Variants in INPP5D observed in about 807,000 individuals in gnomAD.
INPP5D encodes the protein inositol polyphosphate-5-phosphatase D.
Under a neutral mutation model 122.9 loss-of-function variants are expected in INPP5D, and 33 were observed. The ratio of observed to expected loss-of-function variants is 0.27; its 90% CI spans 0.20 to 0.36. INPP5D has a LOEUF of 0.36. Among genes scored for constraint, INPP5D ranks in the 10% least tolerant of loss-of-function variants. The pLI is 1.00. For missense variants in INPP5D, 1,053 were observed against 1,412.7 expected (o/e 0.75, Z 4.08); for synonymous variants, 584 against 576.2 (o/e 1.01, Z -0.19).
intron 19 of INPP5D, 76 bp downstream of exon 19, chr2:233,182,575 G>C: frequency 6.3e-7 from 1 of 1,591,678 alleles, no homozygotes; most frequent in Non-Finnish European, 8.6e-7. Flanking sequence ...TCAGGTGGCA[G>C]TCAGTGGTCT....
chr2:233,061,281 G>A (rs1691066324), intron 1 of INPP5D, among the ~76,000 whole-genome samples: 1 of 146,738 alleles, frequency 6.8e-6, no homozygotes, highest in African/African-American at 2.5e-5. Flanking sequence ...GCCCGGTTGG[G>A]GATGTTACTG....
In INPP5D at chr2:233,105,672, G is replaced by C. The variant is rs568423362; in HGVS notation, c.199-16435G>C. On this transcript the variant is annotated intron_variant, in intron 2 of 26. Transcript: ENST00000445964. This position sits in a 1 kb window ranked among gnomAD's most constrained non-coding sequence, Gnocchi z 4.0. ...GTGACCGCAAGCGGGCCGCCTGCTG[G>C]CTGCTGCACCACCAGCTCTGCTTTC... 2.0e-5 allele frequency among the ~76,000 whole-genome samples: 3 copies of C among 152,330 alleles called. No homozygotes were observed. Among genetic ancestry groups the C allele is most frequent in the East Asian group, 3.9e-4 (2 of 5,168 alleles).
At chr2:233,146,908 C>G (rs147731559) in intron 8 of INPP5D, among the ~76,000 whole-genome samples, 15,858 of 152,104 alleles carry the variant, frequency 0.1, 1,220 homozygotes, top group East Asian at 0.31. Context: ...AGCACTGGTC[C>G]CAAATTCAGG....
At chr2:233,103,167 G>A (rs1015314263) in intron 2 of INPP5D, among the ~76,000 whole-genome samples, 3 of 152,164 alleles carry the variant, frequency 2.0e-5, no homozygotes, top group African/African-American at 7.2e-5. Context: ...AACACCCCAT[G>A]TATGCCTTGA....
At chr2:233,099,361 G>A (rs1044393393) in intron 2 of INPP5D, among the ~76,000 whole-genome samples, 19 of 152,298 alleles carry the variant, frequency 1.2e-4, no homozygotes, top group African/African-American at 4.1e-4. Context: ...TGGCATGTGT[G>A]CCATCCTCCT....
chr2:233,060,668 G>A, intron 1 of INPP5D, 56 bp downstream of exon 1: 2 of 1,601,184 alleles, frequency 1.2e-6, no homozygotes, highest in South Asian at 1.1e-5. Context: ...GCTTAGAGGG[G>A]GCCCAGCTTT....
At chr2:233,123,502 G>C (rs1266563537) in intron 3 of INPP5D, among the ~76,000 whole-genome samples, 4 of 151,768 alleles carry the variant, frequency 2.6e-5, no homozygotes, top group Non-Finnish European at 5.9e-5. Context: ...GTGAGACTAA[G>C]GGTGCCCTTT....
intron 3 of INPP5D, 129 bp from the exon 4 acceptor site, chr2:233,125,616 C>G (rs142409358): frequency 1.2e-6 from 1 of 806,030 alleles, no homozygotes; most frequent in South Asian, 1.8e-5. Context: ...AGGGAGTCAG[C>G]GAGGGACACG....
chr2:233,084,240 A>G (rs1691770347), intron 2 of INPP5D, among the ~76,000 whole-genome samples: 1 of 152,150 alleles, frequency 6.6e-6, no homozygotes. Flanking sequence ...TTTTCTGTAG[A>G]GATAGGGTTT....
In INPP5D at chr2:233,092,814, G is replaced by T. The variant is rs558578522; in HGVS notation, c.198+13416G>T. On this transcript the variant is annotated intron_variant, in intron 2 of 26. Coordinates refer to ENST00000445964, the MANE Select transcript of INPP5D (RefSeq NM_001017915.3). ...CTTCCATCTTGAGACAGGCCAAGGAGCCCCAGGCCCATCACTGTCAGTGGC... is the reference window on the plus strand; with the variant it reads ...CTTCCATCTTGAGACAGGCCAAGGATCCCCAGGCCCATCACTGTCAGTGGC... Among the ~76,000 whole-genome samples the T allele has an allele frequency of 3.6e-4, 55 of 152,288 alleles. 1 individual carries two copies. The South Asian group carries it at 5.6e-3, about 15-fold the overall frequency.
At chr2:233,163,995 A>G (rs1694260014) in intron 12 of INPP5D, 92 bp downstream of exon 12, 1 of 1,494,692 alleles carries the variant, frequency 6.7e-7, no homozygotes, top group Non-Finnish European at 8.9e-7. Context: ...TCAGCCTATC[A>G]GCTCTCAGTT....
intron 25 of INPP5D, among the ~76,000 whole-genome samples, chr2:233,200,548 A>C (rs1157975036): frequency 2.4e-4 from 36 of 152,158 alleles, no homozygotes; most frequent in Non-Finnish European, 1.5e-5. Flanking sequence ...GTTCTCCATC[A>C]CACTGTCCTC....
chr2:233,103,064 A>G (rs1027774925), intron 2 of INPP5D, among the ~76,000 whole-genome samples: 13 of 152,214 alleles, frequency 8.5e-5, no homozygotes, highest in African/African-American at 2.7e-4. Flanking sequence ...GACTGAAGTC[A>G]TATCATAGCT....
At chr2:233,124,051 C>T (rs1234625311) in intron 3 of INPP5D, among the ~76,000 whole-genome samples, 1 of 151,958 alleles carries the variant, frequency 6.6e-6, no homozygotes, top group Non-Finnish European at 1.5e-5. Context: ...TACAACAAAC[C>T]CCATGACATA....
At chr2:233,091,036 T>C (rs1691978407) in intron 2 of INPP5D, among the ~76,000 whole-genome samples, 1 of 150,852 alleles carries the variant, frequency 6.6e-6, no homozygotes, top group Admixed American at 6.6e-5. Flanking sequence ...AACCAGACAA[T>C]AGAACTGCTT....
At chr2:233,122,940 G>T (rs907220037) in intron 3 of INPP5D, among the ~76,000 whole-genome samples, 2 of 152,218 alleles carry the variant, frequency 1.3e-5, no homozygotes, top group African/African-American at 4.8e-5. Flanking sequence ...AGGATCAAAT[G>T]AGTTGAGAAA....
intron 2 of INPP5D, among the ~76,000 whole-genome samples, chr2:233,083,460 T>G (rs1367110120): frequency 6.6e-6 from 1 of 152,118 alleles, no homozygotes; most frequent in African/African-American, 2.4e-5. Context: ...CTGCTTTTCC[T>G]GGTTGGGGGA....
At chr2:233,182,043 C>T (rs1694798782) in intron 18 of INPP5D, among the ~76,000 whole-genome samples, 1 of 152,140 alleles carries the variant, frequency 6.6e-6, no homozygotes, top group Non-Finnish European at 1.5e-5. Flanking sequence ...CTGCAGTGAG[C>T]CGAGATCGCG....
intron 5 of INPP5D, among the ~76,000 whole-genome samples, chr2:233,138,498 T>C (rs2106271886): frequency 6.6e-6 from 1 of 152,124 alleles, no homozygotes; most frequent in South Asian, 2.1e-4. Flanking sequence ...AAATTAAAGA[T>C]ATGCAAATTT....
Sources: allele counts gnomAD v4.1 joint callset (sites outside exome capture counted in the v4.1 genomes callset), GRCh38; gene constraint gnomAD v4.1.1; non-coding constraint Gnocchi (gnomAD v3.1); transcripts MANE v1.5; gene names NCBI Gene and HGNC (gene_info 2026-07-23, HGNC 2026-07-21).